Variants in ZNF318 observed in about 807,000 individuals in gnomAD.
The protein encoded by ZNF318 is zinc finger protein 318.
In ZNF318, 51 loss-of-function variants were observed where a neutral mutation model predicts 124.2. That is an observed-to-expected ratio of 0.41 (90% CI 0.33 to 0.52). ZNF318 has a LOEUF of 0.52. Ranked by LOEUF, ZNF318 falls within the 20% of genes least tolerant of loss-of-function variation. The pLI is 0.23. For missense variants in ZNF318, 2,815 were observed against 2,811.2 expected, an observed-to-expected ratio of 1.00 and a Z score of -0.03; for synonymous variants, 1,090 against 1,040.7, an observed-to-expected ratio of 1.05 and a Z score of -0.91.
In ZNF318 at chr6:43,357,511, C is replaced by T; in HGVS notation, c.803G>A (p.Ser268Asn). 1 of 1,614,160 alleles carries T rather than the reference C, an allele frequency of 6.2e-7. No individual in the cohort carries two copies. Among genetic ancestry groups the T allele is most frequent in the Non-Finnish European group, 8.5e-7 (1 of 1,180,020 alleles). The change falls in exon 3 of 10, where the codon AGC becomes AAC. Residue 268 changes from serine (S) to asparagine (N), a missense_variant. By Grantham distance (46) the Ser-to-Asn change is conservative. Transcript: ENST00000361428. ...ATAACGGGGTCTTTTGGCCTCCCGG[C>T]TCCTTTCTTCAGATCGTATGGAGTA... ...KGYSIRSEER[S>N]REAKRPRYDD...
rs759920550 is a variant in ZNF318, at chr6:43,352,426, C to A, written c.2721G>T (p.Lys907Asn). 1 of 1,614,142 alleles carries A rather than the reference C, an allele frequency of 6.2e-7. No homozygotes were observed. Among genetic ancestry groups the A allele is most frequent in the Non-Finnish European group, 8.5e-7 (1 of 1,180,020 alleles). The change falls in exon 5 of 10, where the codon AAG (lysine) becomes AAT (asparagine). Residue 907 changes from lysine (K) to asparagine (N), a missense_variant. Lys to Asn is a moderately conservative substitution (Grantham distance 94). Transcript: ENST00000361428. The stretch of plus-strand genomic sequence containing the variant: ...ACTCGGTCCTAAGATAGTACATCTT[C>A]TTCTGGCGGGCTTCCCGGTCATTCT... Reference protein sequence around the residue: ...KLKNDREARQKKMYYLRTELE... With the variant: ...KLKNDREARQNKMYYLRTELE...
chr6:43,368,709 C>T (rs1779793374), intron 1 of ZNF318: 1 of 985,476 alleles, frequency 1.0e-6, no homozygotes. Context: ...CCACACCTCA[C>T]CCGGCATGAG....
chr6:43,355,906 G>T lies in ZNF318; in HGVS notation c.1428C>A (p.His476Gln). 1 of 1,614,216 alleles carries T rather than the reference G, an allele frequency of 6.2e-7. No individual in the cohort carries two copies. The highest frequency in any genetic ancestry group is 8.5e-7 in the Non-Finnish European group (1 of 1,180,038). ...LREKFGSFLC[H>Q]KDNLDLKAEG... ...CAGCCTTCAAATCCAAATTATCCTT[G>T]TGGCATAGAAAACTTCCAAATTTTT... The change falls in exon 4 of 10, where the codon CAC (histidine) becomes CAA (glutamine). Residue 476 changes from histidine (H) to glutamine (Q), a missense_variant. Physicochemically the swap from His to Gln is conservative, Grantham distance 24. Coordinates refer to ENST00000361428, the MANE Select transcript of ZNF318 (RefSeq NM_014345.3).
chr6:43,364,448 C>G (rs9369408), intron 2 of ZNF318, among the ~76,000 whole-genome samples: 44 of 152,156 alleles, frequency 2.9e-4, no homozygotes, highest in Admixed American at 1.9e-3. Flanking sequence ...AGCTCTCCCC[C>G]ACCCGCCTAG....
At position 43,340,152 on chromosome 6, in the gene ZNF318, T is replaced by C. The variant is rs1779352493; in HGVS notation, c.3846A>G (p.Glu1282=). The C allele has an allele frequency of 6.2e-7, 1 of 1,614,066 alleles. No individual in the cohort carries two copies. The highest frequency in any genetic ancestry group is 1.3e-5 in the African/African-American group (1 of 74,938). ...SFGKFSWKKP[E]KEEEKSSLVT... ...CCAATGAACTTTTCTCCTCTTCTTT[T>C]TCTGGCTTCTTCCAGCTGAATTTCC... The change falls in exon 10 of 10, where the codon GAA becomes GAG. Residue 1282 remains glutamate, a synonymous_variant. Coordinates refer to ENST00000361428, the MANE Select transcript of ZNF318 (RefSeq NM_014345.3).
In ZNF318 at chr6:43,362,768, T is replaced by G. The variant is rs947451880; in HGVS notation, c.548+2524A>C. 2.6e-5 allele frequency among the ~76,000 whole-genome samples: 4 copies of G among 152,028 alleles called. 1 individual carries two copies. Among genetic ancestry groups the G allele is most frequent in the Admixed American group, 1.3e-4 (2 of 15,260 alleles). On this transcript the variant is annotated intron_variant, in intron 2 of 9. Transcript: ENST00000361428. ...ATTGGCCCACCTCAGCCTCCCAAAG[T>G]GCTGGGATTACAGGTATGAGCCACT... is the stretch of plus-strand genomic sequence containing the variant.
intron 2 of ZNF318, chr6:43,363,657 C>T: frequency 1.9e-6 from 1 of 530,434 alleles, no homozygotes; most frequent in Admixed American, 3.4e-5. Context: ...CCCTGGAGAA[C>T]TACCTCTTCT....
chr6:43,352,672 T>C (rs9381237), intron 4 of ZNF318, among the ~76,000 whole-genome samples, 196 bp from the exon 5 acceptor site: 70,548 of 149,554 alleles, frequency 0.47, 19,395 homozygotes, highest in East Asian at 0.66. Context: ...TCAAAAACTA[T>C]ACTGTCCAGA....
In ZNF318 at chr6:43,355,628, G is replaced by C. The variant is rs1373218985; in HGVS notation, c.1706C>G (p.Ser569Cys). 1.9e-6 allele frequency: 3 copies of C among 1,614,162 alleles called. No individual in the cohort carries two copies. Among genetic ancestry groups the C allele is most frequent in the Non-Finnish European group, 2.5e-6 (3 of 1,180,020 alleles). ...ESEVMRQKASSLPSSAPAVKL... is the reference protein window; with the variant it reads ...ESEVMRQKASCLPSSAPAVKL... ...TACAGCTGGAGCTGAAGACGGCAGG[G>C]AGCTTGCCTTCTGCCTCATAACTTC... The change falls in exon 4 of 10, where the codon TCC becomes TGC. Residue 569 changes from serine (S) to cysteine (C), a missense_variant. Physicochemically the swap from Ser to Cys is moderately radical, Grantham distance 112. Around this residue, in one of 4 missense-constraint regions of ZNF318, gnomAD observed 1,377 missense variants for 1,353.5 expected, o/e 1.02. Coordinates refer to ENST00000361428, the MANE Select transcript of ZNF318 (RefSeq NM_014345.3).
chr6:43,346,051 A>G (rs545533318), intron 6 of ZNF318, among the ~76,000 whole-genome samples: 16 of 151,740 alleles, frequency 1.1e-4, no homozygotes. Flanking sequence ...AAATACAAAA[A>G]TTAGCTGGGT....
At chr6:43,362,546 CAG>C (rs1779697372) in intron 2 of ZNF318, among the ~76,000 whole-genome samples, 1 of 54,214 alleles carries the variant, frequency 1.8e-5, no homozygotes, top group Non-Finnish European at 3.3e-5. Flanking sequence ...TTTTTTGAGA[CAG>C]AGTCTTGTTC....
At chr6:43,362,650 G>A (rs1779698299) in intron 2 of ZNF318, among the ~76,000 whole-genome samples, 1 of 149,004 alleles carries the variant, frequency 6.7e-6, no homozygotes, top group Non-Finnish European at 1.5e-5. Context: ...AAGACTACAG[G>A]CATGCGCCAC....
chr6:43,337,871 C>A lies in ZNF318; in HGVS notation c.6127G>T (p.Val2043Leu). 3.7e-6 allele frequency: 6 copies of A among 1,614,230 alleles called. No homozygotes were observed. The highest frequency in any genetic ancestry group is 5.1e-6 in the Non-Finnish European group (6 of 1,180,046). The change falls in exon 10 of 10, where the codon GTG (valine) becomes TTG (leucine). Residue 2043 changes from valine (V) to leucine (L), a missense_variant. This residue lies in a region of ZNF318 where 927 missense variants were observed against 820.6 expected (regional missense o/e 1.13). Coordinates refer to ENST00000361428, the MANE Select transcript of ZNF318 (RefSeq NM_014345.3). ...GGTGATACAGAATTTTCTTCACACACTTTCTGACACAAGACAGTTGGGGAT... is the reference window on the plus strand; with the variant it reads ...GGTGATACAGAATTTTCTTCACACAATTTCTGACACAAGACAGTTGGGGAT... Reference protein sequence around the residue: ...HRSPTVLCQKVCEENSVSPIG... With the variant: ...HRSPTVLCQKLCEENSVSPIG...
At position 43,368,993 on chromosome 6, in the gene ZNF318, C is replaced by G; in HGVS notation, c.373G>C (p.Asp125His). 1.4e-6 allele frequency: 2 copies of G among 1,435,450 alleles called. No individual in the cohort carries two copies. The highest frequency in any genetic ancestry group is 1.8e-6 in the Non-Finnish European group (2 of 1,092,330). 88.9% of individuals were successfully genotyped at this position (1,435,450 alleles called of 1,614,324 possible). A position where few individuals can be genotyped will look rare whatever the true frequency, so the allele number is the denominator to read the frequency against. ...RADYARDGRG[D>H]HPGDSGSRRR... ...CGGCTGCCGCTGTCGCCTGGATGGT[C>G]TCCGCGGCCGTCCCGGGCATAGTCG... The change falls in exon 1 of 10, where the codon GAC becomes CAC. Residue 125 changes from aspartate to histidine, a missense_variant. Around this residue, in one of 4 missense-constraint regions of ZNF318, gnomAD observed 1,377 missense variants for 1,353.5 expected, o/e 1.02. Transcript: ENST00000361428.
Position 43,369,133 on chromosome 6 carries a change from A to C in ZNF318, c.233T>G (p.Val78Gly). ...ASPSPPRGRR[V>G]SPSPPRARRG... ...ACGGGCCCGAGGCGGGGACGGGGAG[A>C]CGCGACGACCCCGTGGCGGGGACGG... Residue 78 changes from valine (V) to glycine (G), a missense_variant, in exon 1 of 10, where the codon GTC (valine) becomes GGC (glycine). By Grantham distance (109) the Val-to-Gly change is moderately radical. Coordinates refer to ENST00000361428, the MANE Select transcript of ZNF318 (RefSeq NM_014345.3). The C allele has an allele frequency of 8.1e-7, 1 of 1,230,346 alleles. No homozygotes were observed. The allele number at this position is 1,230,346 out of a possible 1,614,324, so 76.2% of individuals were successfully genotyped here.
intron 1 of ZNF318, among the ~76,000 whole-genome samples, chr6:43,367,622 G>A (rs1270054549): frequency 6.6e-6 from 1 of 152,194 alleles, no homozygotes; most frequent in Admixed American, 6.5e-5. Flanking sequence ...TGTAAGCAAC[G>A]GATGATGCTA....
At chr6:43,354,135 AAAT>A (rs1779571614) in intron 4 of ZNF318, among the ~76,000 whole-genome samples, 1 of 152,194 alleles carries the variant, frequency 6.6e-6, no homozygotes, top group African/African-American at 2.4e-5. Flanking sequence ...TTTTTTAAAT[AAAT>A]AACATGTCAA....
At position 43,355,394 on chromosome 6, in the gene ZNF318, G is replaced by A. The variant is rs1779590660; in HGVS notation, c.1940C>T (p.Ser647Leu). The change falls in exon 4 of 10, where the codon TCA (serine) becomes TTA (leucine). Residue 647 changes from serine (S) to leucine (L), a missense_variant. This residue lies in a region of ZNF318 where 1,377 missense variants were observed against 1,353.5 expected (regional missense o/e 1.02). Coordinates refer to ENST00000361428, the MANE Select transcript of ZNF318 (RefSeq NM_014345.3). ...DRYFSADHCS[S>L]VDHRFSADRC... ...GTCAGCTGAGAAGCGGTGGTCAACT[G>A]AGGAACAGTGGTCAGCTGAAAAGTA... The A allele has an allele frequency of 2.5e-6, 4 of 1,614,012 alleles. No homozygotes were observed. The highest frequency in any genetic ancestry group is 2.7e-5 in the African/African-American group (2 of 74,902).
In ZNF318 at chr6:43,355,885, C is replaced by G; in HGVS notation, c.1449G>C (p.Lys483Asn). ...CTGTGTGTCGCTCAGGTCCCTCAGCCTTCAAATCCAAATTATCCTTGTGGC... is the reference window on the plus strand; with the variant it reads ...CTGTGTGTCGCTCAGGTCCCTCAGCGTTCAAATCCAAATTATCCTTGTGGC... ...FLCHKDNLDLKAEGPERHTDF... is the reference protein window; with the variant it reads ...FLCHKDNLDLNAEGPERHTDF... Residue 483 changes from lysine (K) to asparagine (N), a missense_variant, in exon 4 of 10, where the codon AAG becomes AAC. By Grantham distance (94) the Lys-to-Asn change is moderately conservative. Transcript: ENST00000361428. 6.2e-7 allele frequency: 1 copy of G among 1,614,238 alleles called. No homozygotes were observed. The highest frequency in any genetic ancestry group is 8.5e-7 in the Non-Finnish European group (1 of 1,180,038).
Sources: gnomAD v4.1 joint callset for allele counts (sites outside exome capture counted in the v4.1 genomes callset) on GRCh38, gnomAD v4.1.1 for gene constraint, gnomAD v4.1.1 regional missense constraint, MANE v1.5 for transcripts, NCBI Gene and HGNC (gene_info 2026-07-23, HGNC 2026-07-21) for gene names.